Variants in PRDM16 observed in about 807,000 individuals in gnomAD.
PRDM16 encodes the protein PR/SET domain 16.
PRDM16 carries 23 observed loss-of-function variants against 110.6 expected under a neutral mutation model. The observed-to-expected ratio is 0.21, with a 90% CI of 0.15 to 0.29. The LOEUF is 0.29. PRDM16 is among the 10% of genes least tolerant of loss of function. The probability of loss-of-function intolerance (pLI) is 1.00; values close to 1 mark genes in which losing one functional copy is unlikely to be tolerated. For missense variants in PRDM16, 1,615 were observed against 1,794.3 expected (o/e 0.90, Z 1.81); for synonymous variants, 799 against 781.8 (o/e 1.02, Z -0.37).
At chr1:3,200,713 C>T (rs968066473) in intron 2 of PRDM16, among the ~76,000 whole-genome samples, 19 of 152,288 alleles carry the variant, frequency 1.2e-4, no homozygotes, top group African/African-American at 4.1e-4. Context: ...CCCCGGCACG[C>T]GTGGCCCTCC....
intron 3 of PRDM16, among the ~76,000 whole-genome samples, chr1:3,270,430 CCCAGA>C (rs1640418143): frequency 6.7e-6 from 1 of 148,498 alleles, no homozygotes; most frequent in African/African-American, 2.5e-5. Flanking sequence ...GGAGGACAGT[CCCAGA>C]GGAGCACAGT....
intron 3 of PRDM16, among the ~76,000 whole-genome samples, chr1:3,346,082 T>A (rs995231731): frequency 6.6e-6 from 1 of 152,268 alleles, no homozygotes; most frequent in Non-Finnish European, 1.5e-5. Context: ...CAATGTGGGC[T>A]TTGTGAGACC....
At chr1:3,426,307 C>A in intron 14 of PRDM16, 82 bp downstream of exon 14, 1 of 1,155,406 alleles carries the variant, frequency 8.7e-7, no homozygotes, top group Non-Finnish European at 1.3e-6. Context: ...CATGCACCTC[C>A]ACCCCAGCAC....
intron 3 of PRDM16, among the ~76,000 whole-genome samples, chr1:3,330,031 G>A (rs889470413): frequency 6.6e-6 from 1 of 152,368 alleles, no homozygotes; most frequent in Middle Eastern, 3.4e-3. Flanking sequence ...CTCTGATTGC[G>A]ATCACAAGTG....
chr1:3,215,642 C>G (rs562072093), intron 2 of PRDM16, among the ~76,000 whole-genome samples: 143 of 152,324 alleles, frequency 9.4e-4, no homozygotes, highest in African/African-American at 3.3e-3. Context: ...GTCAGTGCTC[C>G]TCTGCACGGT....
chr1:3,324,427 G>A (rs74048245), intron 3 of PRDM16, among the ~76,000 whole-genome samples: 37 of 152,302 alleles, frequency 2.4e-4, no homozygotes, highest in African/African-American at 4.3e-4. Flanking sequence ...CACTCCCCGC[G>A]ATGCTCCTGG....
intron 3 of PRDM16, among the ~76,000 whole-genome samples, chr1:3,287,095 C>T (rs916341061): frequency 6.6e-6 from 1 of 152,192 alleles, no homozygotes; most frequent in Non-Finnish European, 1.5e-5. Flanking sequence ...CTGGAGTCTT[C>T]CTGGGGTCAG....
rs868457690 is a variant in PRDM16 at position 3,069,869 on chromosome 1, G to A, written c.37+573G>A. ...GGCGGAGGAGGGGGCGCGGGCCGGC[G>A]CCCACCCGGCTCCGCGGGCGCAGGG... is the stretch of plus-strand genomic sequence containing the variant. On this transcript the variant is annotated intron_variant, in intron 1 of 16. Coordinates refer to ENST00000270722, the MANE Select transcript of PRDM16 (RefSeq NM_022114.4). The surrounding 1 kb of genome is among the most constrained non-coding windows in gnomAD (Gnocchi z 6.1). Among the ~76,000 whole-genome samples, 14 of 151,718 alleles carry A rather than the reference G, an allele frequency of 9.2e-5. No individual in the cohort carries two copies. The highest frequency in any genetic ancestry group is 3.5e-3 in the Middle Eastern group (1 of 286).
chr1:3,231,902 CA>C (rs1323796755), intron 2 of PRDM16, among the ~76,000 whole-genome samples: 1 of 152,244 alleles, frequency 6.6e-6, no homozygotes, highest in African/African-American at 2.4e-5. Flanking sequence ...GCTGCAGCCA[CA>C]GTTGCATGGA....
rs145475653 is a variant in PRDM16 at position 3,083,699 on chromosome 1, G to A, written c.37+14403G>A. 5.2e-3 allele frequency among the ~76,000 whole-genome samples: 789 copies of A among 152,262 alleles called. 6 individuals carry two copies. The highest frequency in any genetic ancestry group is 0.017 in the African/African-American group (726 of 41,542). On this transcript the variant is annotated intron_variant, in intron 1 of 16. Coordinates refer to ENST00000270722, the MANE Select transcript of PRDM16 (RefSeq NM_022114.4). ...TTAGTTTTGTTCCAGGGGGTTGGGG[G>A]TGTTGTTTATCAGAGGGGCAGTTTC...
In PRDM16 at chr1:3,080,964, G is replaced by A. The variant is rs868340094; in HGVS notation, c.37+11668G>A. Among the ~76,000 whole-genome samples, 3 of 151,396 alleles carry A rather than the reference G, an allele frequency of 2.0e-5. No individual in the cohort carries two copies. Among genetic ancestry groups the A allele is most frequent in the Middle Eastern group, 6.4e-3 (2 of 314 alleles). ...TGTAGAGGGGGTGGCGGGGCGGGGG[G>A]GGTCTGCACATTCCGCCGAGTGTCC... On this transcript the variant is annotated intron_variant, in intron 1 of 16. Transcript: ENST00000270722. This position sits in a 1 kb window ranked among gnomAD's most constrained non-coding sequence, Gnocchi z 5.2.
intron 1 of PRDM16, among the ~76,000 whole-genome samples, chr1:3,079,006 C>A (rs1011179275): frequency 6.6e-6 from 1 of 152,250 alleles, no homozygotes; most frequent in Non-Finnish European, 1.5e-5. Context: ...TGACGCTCAC[C>A]GGAGGAGCCC....
intron 1 of PRDM16, among the ~76,000 whole-genome samples, chr1:3,118,063 A>G (rs1173465999): frequency 1.3e-5 from 2 of 148,624 alleles, no homozygotes; most frequent in East Asian, 4.0e-4. Context: ...GTGTGTGTAC[A>G]TGCATGTGTG....
chr1:3,070,351 C>T (rs1204046732), intron 1 of PRDM16, among the ~76,000 whole-genome samples: 1 of 147,996 alleles, frequency 6.8e-6, no homozygotes, highest in Non-Finnish European at 1.5e-5. Flanking sequence ...CCCGCGCGCA[C>T]CCCGCAGCCC....
At chr1:3,230,072 C>G (rs1639373468) in intron 2 of PRDM16, among the ~76,000 whole-genome samples, 1 of 152,236 alleles carries the variant, frequency 6.6e-6, no homozygotes, top group African/African-American at 2.4e-5. Context: ...CCCCCTGCAG[C>G]TCTCTGGGAT....
intron 3 of PRDM16, among the ~76,000 whole-genome samples, chr1:3,342,851 A>G (rs1642298623): frequency 6.6e-6 from 1 of 152,222 alleles, no homozygotes; most frequent in South Asian, 2.1e-4. Flanking sequence ...TGGCAGTAGC[A>G]TGCATGGTAT....
intron 3 of PRDM16, among the ~76,000 whole-genome samples, chr1:3,256,470 T>C (rs1640048028): frequency 6.6e-6 from 1 of 152,142 alleles, no homozygotes; most frequent in South Asian, 2.1e-4. Context: ...TAGGTGTTCA[T>C]CACGGGGGAA....
rs1038987243 is a variant in PRDM16 at position 3,142,893 on chromosome 1, G to A, written c.38-43232G>A. ...GGTAGCCCAGGCAAGGGACCGGCAT[G>A]GCTGGCCAGACCCTGAGCTGCCACC... On this transcript the variant is annotated intron_variant, in intron 1 of 16. Coordinates refer to ENST00000270722, the MANE Select transcript of PRDM16 (RefSeq NM_022114.4). Among the ~76,000 whole-genome samples the A allele has an allele frequency of 2.0e-5, 3 of 152,334 alleles. No individual in the cohort carries two copies. The East Asian group carries it at 5.8e-4, about 29-fold the overall frequency.
intron 5 of PRDM16, among the ~76,000 whole-genome samples, chr1:3,400,594 G>A (rs1438092545): frequency 6.6e-6 from 1 of 152,214 alleles, no homozygotes; most frequent in Admixed American, 6.5e-5. Flanking sequence ...CCCCGGAGAG[G>A]TTTGGGACGG....
Sources: gnomAD v4.1 joint callset for allele counts (sites outside exome capture counted in the v4.1 genomes callset) on GRCh38, gnomAD v4.1.1 for gene constraint, Gnocchi (gnomAD v3.1) non-coding constraint, MANE v1.5 for transcripts, NCBI Gene and HGNC (gene_info 2026-07-23, HGNC 2026-07-21) for gene names.